The following KIF13A variants were observed in gnomAD, a reference collection of about 807,000 sequenced individuals.
KIF13A encodes kinesin family member 13A, also known as kinesin-like protein KIF13A.
Under a neutral mutation model 212.2 loss-of-function variants are expected in KIF13A, and 79 were observed. That is an observed-to-expected ratio of 0.37 (90% CI 0.31 to 0.45). The LOEUF (loss-of-function observed/expected upper bound fraction) is 0.45. KIF13A is among the 20% of genes least tolerant of loss of function. The pLI, the probability that KIF13A is intolerant of heterozygous loss-of-function variation, is 1.00. For synonymous variants in KIF13A, 789 were observed against 808.6 expected, an observed-to-expected ratio of 0.98 and a Z score of 0.41; for missense variants, 1,901 against 2,209.0, an observed-to-expected ratio of 0.86 and a Z score of 2.79.
rs1758777989 is a variant in KIF13A, at chr6:17,764,593, C to T, written c.4935G>A (p.Arg1645=). 1.2e-6 allele frequency: 2 copies of T among 1,613,880 alleles called. No homozygotes were observed. Among genetic ancestry groups the T allele is most frequent in the East Asian group, 4.5e-5 (2 of 44,878 alleles). Residue 1645 remains arginine (R), a synonymous_variant, in exon 39 of 39, where the codon AGG becomes AGA. Coordinates refer to ENST00000259711, the MANE Select transcript of KIF13A (RefSeq NM_022113.6). The surrounding 1 kb of genome is among the most constrained non-coding windows in gnomAD (Gnocchi z 5.1). The part of the protein sequence containing the change: ...HSTPSLVHDF[R]PSSNKELTEV... ...CTGTCAACTCTTTGTTTGAGGACGG[C>T]CTGAAATCATGCACAAGCGATGGTG...
rs911948005 is a variant in KIF13A at position 17,899,491 on chromosome 6, C to G, written c.147-1311G>C. Among the ~76,000 whole-genome samples, 1 of 152,126 alleles carries G rather than the reference C, an allele frequency of 6.6e-6. No individual in the cohort carries two copies. Among genetic ancestry groups the G allele is most frequent in the Admixed American group, 6.5e-5 (1 of 15,268 alleles). On this transcript the variant is annotated intron_variant, in intron 2 of 38. Transcript: ENST00000259711. This position sits in a 1 kb window ranked among gnomAD's most constrained non-coding sequence, Gnocchi z 5.2. ...ACACTCCTTACAGAGCTCTGAGGGA[C>G]TCGAACAAAACTGAGAGCTCAGTAG...
At position 17,828,402 on chromosome 6, in the gene KIF13A, C is replaced by T; in HGVS notation, c.1402-32G>A. On this transcript the variant is annotated intron_variant, in intron 13 of 38. Transcript: ENST00000259711. The surrounding 1 kb of genome is among the most constrained non-coding windows in gnomAD (Gnocchi z 4.3). ...AAAGATTATTAAGGAAAGAAAAACCCACATTTATGAGTAACTCAGCAAAAA... is the reference window on the plus strand; with the variant it reads ...AAAGATTATTAAGGAAAGAAAAACCTACATTTATGAGTAACTCAGCAAAAA... 1.3e-6 allele frequency: 2 copies of T among 1,591,710 alleles called. No individual in the cohort carries two copies. The highest frequency in any genetic ancestry group is 1.7e-6 in the Non-Finnish European group (2 of 1,168,992).
In KIF13A at chr6:17,768,041, C is replaced by CT. The variant is rs1759169614; in HGVS notation, c.4581+3072dup. Among the ~76,000 whole-genome samples the CT allele has an allele frequency of 6.6e-6, 1 of 152,094 alleles. No individual in the cohort carries two copies. The highest frequency in any genetic ancestry group is 1.5e-5 in the Non-Finnish European group (1 of 68,024). ...ACAGCTTATTCCAGAAAAAGGAAAACTTAGTAGAGATTAAACATTTTCCAA... is the reference window on the plus strand; with the variant it reads ...ACAGCTTATTCCAGAAAAAGGAAAACTTTAGTAGAGATTAAACATTTTCCAA... On this transcript the variant is annotated intron_variant, in intron 38 of 38. Transcript: ENST00000259711. This position sits in a 1 kb window ranked among gnomAD's most constrained non-coding sequence, Gnocchi z 5.4.
chr6:17,965,802 T>C (rs1483313341), intron 2 of KIF13A, among the ~76,000 whole-genome samples: 2 of 152,248 alleles, frequency 1.3e-5, no homozygotes, highest in African/African-American at 2.4e-5. Context: ...CACAAACTCA[T>C]CAAATTATTT....
At chr6:17,804,559 C>A (rs1357185015) in intron 19 of KIF13A, 49 bp from the exon 20 acceptor site, 20 of 1,423,712 alleles carry the variant, frequency 1.4e-5, no homozygotes, top group Non-Finnish European at 1.9e-5. Context: ...AACATAACAT[C>A]AATTTAAATA....
At chr6:17,949,640 T>C (rs570494412) in intron 2 of KIF13A, among the ~76,000 whole-genome samples, 4 of 152,242 alleles carry the variant, frequency 2.6e-5, no homozygotes, top group African/African-American at 7.2e-5. Context: ...TCAGAAGCCT[T>C]TGAAATTTTG....
intron 17 of KIF13A, chr6:17,815,757 T>C (rs1361673174): frequency 3.0e-5 from 6 of 203,034 alleles, no homozygotes; most frequent in African/African-American, 1.4e-4. Flanking sequence ...TCTTATTCTA[T>C]ATATTAGCTT....
At chr6:17,970,351 C>A (rs2150606623) in intron 2 of KIF13A, among the ~76,000 whole-genome samples, 1 of 132,610 alleles carries the variant, frequency 7.5e-6, no homozygotes, top group South Asian at 2.7e-4. Flanking sequence ...CCTGTAATCC[C>A]AAAATTTTGG....
At chr6:17,904,526 C>T (rs535579361) in intron 2 of KIF13A, among the ~76,000 whole-genome samples, 1 of 152,260 alleles carries the variant, frequency 6.6e-6, no homozygotes, top group Non-Finnish European at 1.5e-5. Flanking sequence ...TATACTTGGA[C>T]AGGTCTTGAA....
intron 3 of KIF13A, among the ~76,000 whole-genome samples, chr6:17,893,201 C>T (rs1232320003): frequency 6.6e-6 from 1 of 152,196 alleles, no homozygotes; most frequent in African/African-American, 2.4e-5. Context: ...ACAGTTCAGT[C>T]ACCCAGGATT....
Position 17,773,565 on chromosome 6 carries a change from A to C in KIF13A, c.4237T>G (p.Leu1413Val), listed in dbSNP as rs140293391. Reference protein sequence around the residue: ...EDDKGWPENQLDMSDYSSSYQ... With the variant: ...EDDKGWPENQVDMSDYSSSYQ... The stretch of plus-strand genomic sequence containing the variant: ...CTGGAGCTATAGTCAGACATGTCCA[A>C]CTGGTTCTCTGGCCAACCCTACAAG... Residue 1413 changes from leucine (L) to valine (V), a missense_variant, in exon 36 of 39, where the codon TTG becomes GTG. Leu to Val is a conservative substitution (Grantham distance 32). Coordinates refer to ENST00000259711, the MANE Select transcript of KIF13A (RefSeq NM_022113.6). The surrounding 1 kb of genome is among the most constrained non-coding windows in gnomAD (Gnocchi z 4.2). 3 of 1,608,490 alleles carry C rather than the reference A, an allele frequency of 1.9e-6. No homozygotes were observed. Among genetic ancestry groups the C allele is most frequent in the Non-Finnish European group, 1.7e-6 (2 of 1,175,918 alleles).
chr6:17,937,739 C>CTTTTTTTTTTTTTTT (rs1487188222), intron 2 of KIF13A, among the ~76,000 whole-genome samples: 1 of 128,426 alleles, frequency 7.8e-6, no homozygotes, highest in African/African-American at 2.8e-5. Context: ...AATTTCTTTC[C>CTTTTTTTTTTTTTTT]TTTTTTGTTT....
In KIF13A at chr6:17,976,253, G is replaced by A. The variant is rs2150626130; in HGVS notation, c.146+10801C>T. Among the ~76,000 whole-genome samples, 2 of 152,346 alleles carry A rather than the reference G, an allele frequency of 1.3e-5. 1 individual carries two copies. The highest frequency in any genetic ancestry group is 4.1e-4 in the South Asian group (2 of 4,830). On this transcript the variant is annotated intron_variant, in intron 2 of 38. Transcript: ENST00000259711. The stretch of plus-strand genomic sequence containing the variant: ...GGAGAAGGGGCCGGCGCTCGTCAGG[G>A]AGGCTCGGGCTGCACAGGAGCCCAC...
At chr6:17,782,804 G>A (rs1484958257) in intron 29 of KIF13A, among the ~76,000 whole-genome samples, 1 of 152,182 alleles carries the variant, frequency 6.6e-6, no homozygotes, top group Non-Finnish European at 1.5e-5. Flanking sequence ...GCACTTGGGA[G>A]AAATATGAAG....
At chr6:17,965,222 A>C (rs1779196788) in intron 2 of KIF13A, among the ~76,000 whole-genome samples, 1 of 152,226 alleles carries the variant, frequency 6.6e-6, no homozygotes, top group African/African-American at 2.4e-5. Flanking sequence ...AATTGTTCTT[A>C]GTATCATGTT....
chr6:17,781,401 C>T, intron 29 of KIF13A, 100 bp from the exon 30 acceptor site: 1 of 1,251,632 alleles, frequency 8.0e-7, no homozygotes. Context: ...GAAGTTTACA[C>T]ATAACACATT....
Position 17,859,633 on chromosome 6 carries a change from TATA to T in KIF13A, c.221-3514_221-3512del, listed in dbSNP as rs1427795633. The stretch of plus-strand genomic sequence containing the variant: ...TGGCAATGTATTTTATATATATATA[TATA>T]TATTTTTTTTTTTTTTTTGAGACGA... On this transcript the variant is annotated intron_variant, in intron 4 of 38. Transcript: ENST00000259711. Among the ~76,000 whole-genome samples, 247 of 108,176 alleles carry T rather than the reference TATA, an allele frequency of 2.3e-3. 4 individuals are homozygous for T. The highest frequency in any genetic ancestry group is 0.01 in the African/African-American group (215 of 21,214). The allele number at this position is 108,176 out of a possible 152,430, so 71.0% of individuals were successfully genotyped here. A position where few individuals can be genotyped will look rare whatever the true frequency, so the allele number is the denominator to read the frequency against.
intron 2 of KIF13A, among the ~76,000 whole-genome samples, chr6:17,977,745 A>G (rs1447777875): frequency 6.6e-6 from 1 of 152,244 alleles, no homozygotes; most frequent in Non-Finnish European, 1.5e-5. Flanking sequence ...ATACATGTGC[A>G]CAACGTGCAG....
chr6:17,957,083 T>G lies in KIF13A; in HGVS notation c.146+29971A>C, dbSNP rs574431774. ...TTTTAGTAGAGACAGGGTTTCACCATGTTGGCCAGGCTGGTCTCGAACTCC... is the reference window on the plus strand; with the variant it reads ...TTTTAGTAGAGACAGGGTTTCACCAGGTTGGCCAGGCTGGTCTCGAACTCC... On this transcript the variant is annotated intron_variant, in intron 2 of 38. Coordinates refer to ENST00000259711, the MANE Select transcript of KIF13A (RefSeq NM_022113.6). Among the ~76,000 whole-genome samples, 9 of 152,310 alleles carry G rather than the reference T, an allele frequency of 5.9e-5. No homozygotes were observed. The South Asian group carries it at 1.7e-3, about 28-fold the overall frequency.
Sources: allele counts gnomAD v4.1 joint callset (sites outside exome capture counted in the v4.1 genomes callset), GRCh38; gene constraint gnomAD v4.1.1; non-coding constraint Gnocchi (gnomAD v3.1); transcripts MANE v1.5; gene names NCBI Gene and HGNC (gene_info 2026-07-23, HGNC 2026-07-21).